PLOD3: variants seen among roughly 807,000 people sequenced by gnomAD.
PLOD3 encodes the protein procollagen-lysine,2-oxoglutarate 5-dioxygenase 3, also known as multifunctional procollagen lysine hydroxylase and glycosyltransferase LH3.
Under a neutral mutation model 96.9 loss-of-function variants are expected in PLOD3, and 73 were observed. The ratio of observed to expected loss-of-function variants is 0.75; its 90% CI spans 0.62 to 0.92. The LOEUF (loss-of-function observed/expected upper bound fraction) is 0.92. PLOD3 is among the 40% of genes least tolerant of loss of function. The probability of loss-of-function intolerance (pLI) is 0.00; values close to 1 mark genes in which losing one functional copy is unlikely to be tolerated. For synonymous variants in PLOD3, 454 were observed against 413.7 expected (o/e 1.10, Z -1.18); for missense variants, 1,004 against 1,004.3 (o/e 1.00, Z 0.00).
chr7:101,212,700 C>G (rs766903146), intron 8 of PLOD3, 45 bp from the exon 9 acceptor site: 2 of 1,610,638 alleles, frequency 1.2e-6, no homozygotes, highest in Middle Eastern at 2.1e-4. Context: ...GCCCGGACTT[C>G]CCTGCTGCCC....
intron 6 of PLOD3, among the ~76,000 whole-genome samples, chr7:101,214,612 C>T (rs1477265643): frequency 6.6e-6 from 1 of 151,824 alleles, no homozygotes; most frequent in Non-Finnish European, 1.5e-5. Context: ...TTGAGGCAGG[C>T]GGATCACCTG....
At chr7:101,216,076 C>G (rs371280467) in intron 4 of PLOD3, 56 bp from the exon 5 acceptor site, 2 of 1,604,460 alleles carry the variant, frequency 1.2e-6, no homozygotes, top group South Asian at 1.1e-5. Context: ...GGGCCTGTCC[C>G]CCAGGCTGTC....
chr7:101,209,525 A>C (rs1412333206), intron 15 of PLOD3, among the ~76,000 whole-genome samples: 2 of 146,406 alleles, frequency 1.4e-5, no homozygotes, highest in Non-Finnish European at 3.0e-5. Context: ...CTACAGGTGC[A>C]CGCCATCACA....
intron 10 of PLOD3, 96 bp downstream of exon 10, chr7:101,212,157 T>C (rs1798193280): frequency 2.7e-6 from 4 of 1,504,304 alleles, no homozygotes; most frequent in Non-Finnish European, 3.7e-6. Context: ...AGGGGCTGGA[T>C]GGGTGACAGG....
At chr7:101,207,113 TTA>T (rs1363638511) in intron 17 of PLOD3, among the ~76,000 whole-genome samples, 1 of 151,952 alleles carries the variant, frequency 6.6e-6, no homozygotes, top group Non-Finnish European at 1.5e-5. Flanking sequence ...GTAGCTGGGA[TTA>T]TAGGCACCTG....
intron 9 of PLOD3, 70 bp downstream of exon 9, chr7:101,212,460 G>A: frequency 3.2e-6 from 5 of 1,570,302 alleles, no homozygotes; most frequent in Non-Finnish European, 4.4e-6. Flanking sequence ...AGATGGGGGT[G>A]GGGGCACGAG....
At chr7:101,212,694 G>A (rs376205899) in intron 8 of PLOD3, 39 bp from the exon 9 acceptor site, 56 of 1,611,572 alleles carry the variant, frequency 3.5e-5, no homozygotes, top group African/African-American at 2.4e-4. Flanking sequence ...AGAGAAGCCC[G>A]GACTTCCCTG....
At position 101,206,729 on chromosome 7, in the gene PLOD3, C is replaced by A. The variant is rs80179986; in HGVS notation, c.2061+50G>T. The stretch of plus-strand genomic sequence containing the variant: ...TGCACGCAGGGGCTCTAGGTGGGGA[C>A]CCGAGGGTCCTGAGGTGAAGCGTGG... On this transcript the variant is annotated intron_variant, in intron 18 of 18. Coordinates refer to ENST00000223127, the MANE Select transcript of PLOD3 (RefSeq NM_001084.5). 12,040 of 1,557,588 alleles carry A rather than the reference C, an allele frequency of 7.7e-3. 192 individuals are homozygous for A. In the East Asian group the frequency reaches 0.079, roughly 10 times the overall value.
chr7:101,216,723 G>A lies in PLOD3; in HGVS notation c.173C>T (p.Ser58Phe). 2 of 1,613,952 alleles carry A rather than the reference G, an allele frequency of 1.2e-6. No homozygotes were observed. ...CACAGTGTAGTTGAAGAACTCCGCA[G>A]AGCGCAGGAAACGCAGGTACCCCTC... is the stretch of plus-strand genomic sequence containing the variant. ...ETEGYLRFLR[S>F]AEFFNYTVRT... The change falls in exon 2 of 19, where the codon TCT becomes TTT. Residue 58 changes from serine to phenylalanine, a missense_variant. By Grantham distance (155) the Ser-to-Phe change is radical. Coordinates refer to ENST00000223127, the MANE Select transcript of PLOD3 (RefSeq NM_001084.5).
At position 101,216,554 on chromosome 7, in the gene PLOD3, G is replaced by A. The variant is rs1239361365; in HGVS notation, c.202-8C>T. The A allele has an allele frequency of 6.2e-7, 1 of 1,614,030 alleles. No individual in the cohort carries two copies. The highest frequency in any genetic ancestry group is 8.5e-7 in the Non-Finnish European group (1 of 1,180,010). ...CTCTCCCAGGCCCAGGGTCTGTGGA[G>A]AAGATTGCCCCGTGCCAGGCAAGGG... On this transcript the variant is annotated splice_polypyrimidine_tract_variant and splice_region_variant and intron_variant, in intron 2 of 18. Transcript: ENST00000223127.
At chr7:101,216,616 C>A (rs1798280224) in intron 2 of PLOD3, 70 bp from the exon 3 acceptor site, 2 of 1,610,330 alleles carry the variant, frequency 1.2e-6, no homozygotes, top group African/African-American at 1.3e-5. Flanking sequence ...ACCAGGCTTA[C>A]CGTGGGGACC....
At chr7:101,213,234 C>T in intron 6 of PLOD3, 30 bp from the exon 7 acceptor site, 1 of 1,442,694 alleles carries the variant, frequency 6.9e-7, no homozygotes, top group Non-Finnish European at 9.8e-7. Context: ...GGCTTCAGAC[C>T]CCCTTTCTCT....
chr7:101,207,746 C>A, intron 16 of PLOD3, 22 bp from the exon 17 acceptor site: 1 of 1,611,996 alleles, frequency 6.2e-7, no homozygotes, highest in Non-Finnish European at 8.5e-7. Context: ...GGGCACTGAG[C>A]CACCCGCCCC....
At position 101,213,219 on chromosome 7, in the gene PLOD3, G is replaced by C; in HGVS notation, c.680-15C>G. On this transcript the variant is annotated splice_polypyrimidine_tract_variant and intron_variant, in intron 6 of 18. Coordinates refer to ENST00000223127, the MANE Select transcript of PLOD3 (RefSeq NM_001084.5). The stretch of plus-strand genomic sequence containing the variant: ...AACCACTTCATCTGGGGAAGAAAAA[G>C]GCCAGGCTTCAGACCCCCTTTCTCT... The C allele has an allele frequency of 6.3e-7, 1 of 1,576,542 alleles. No homozygotes were observed. The highest frequency in any genetic ancestry group is 8.7e-7 in the Non-Finnish European group (1 of 1,145,878).
chr7:101,211,391 G>A (rs1023097051), intron 12 of PLOD3, 200 bp downstream of exon 12: 1 of 592,744 alleles, frequency 1.7e-6, no homozygotes, highest in Non-Finnish European at 3.0e-6. Context: ...ACGTTGCTCA[G>A]GCTGATCTTA....
chr7:101,206,532 G>T, intron 18 of PLOD3, 96 bp from the exon 19 acceptor site: 1 of 1,176,482 alleles, frequency 8.5e-7, no homozygotes. Flanking sequence ...CGGGGGGCAC[G>T]GTGCAGCAGA....
At chr7:101,206,935 A>G (rs1299341062) in intron 17 of PLOD3, 31 bp from the exon 18 acceptor site, 8 of 1,552,062 alleles carry the variant, frequency 5.2e-6, no homozygotes, top group Non-Finnish European at 7.0e-6. Flanking sequence ...GGCTGCAGGG[A>G]CAGCTGCGGG....
rs1197561363 is a variant in PLOD3 at position 101,206,904 on chromosome 7, C to T, written c.1936G>A (p.Ala646Thr). ...ESLFPGYHTK[A>T]RAVMNFVVRY... ...ACCACAAAGTTCATCACCGCCCGCG[C>T]CTGGGGGAGAGGAGGGAAGAGGCTG... Residue 646 changes from alanine to threonine, a missense_variant and splice_region_variant, in exon 18 of 19, where the codon GCG (alanine) becomes ACG (threonine). Ala to Thr is a moderately conservative substitution (Grantham distance 58). Around this residue, in one of 5 missense-constraint regions of PLOD3, gnomAD observed 222 missense variants for 220.4 expected, o/e 1.01. Transcript: ENST00000223127. 4.5e-6 allele frequency: 7 copies of T among 1,556,094 alleles called. No homozygotes were observed. In the Admixed American group the frequency reaches 1.4e-4, roughly 30 times the overall value.
rs1201136098 is a variant in PLOD3 at position 101,210,114 on chromosome 7, T to G, written c.1662A>C (p.Glu554Asp). ...TCACCTGCTCCACGATTCCTTCCCC[T>G]TCCAGGGCCCGGCTGTAGTTCTCGT... ...YIHENYSRAL[E>D]GEGIVEQPCP... The change falls in exon 15 of 19, where the codon GAA becomes GAC. Residue 554 changes from glutamate to aspartate, a missense_variant. Glu to Asp is a conservative substitution (Grantham distance 45). Transcript: ENST00000223127. 3 of 1,603,550 alleles carry G rather than the reference T, an allele frequency of 1.9e-6. No homozygotes were observed. The Admixed American group carries it at 5.1e-5, about 27-fold the overall frequency.
Sources: gnomAD v4.1 joint callset for allele counts (sites outside exome capture counted in the v4.1 genomes callset) on GRCh38, gnomAD v4.1.1 for gene constraint, gnomAD v4.1.1 regional missense constraint, MANE v1.5 for transcripts, NCBI Gene and HGNC (gene_info 2026-07-23, HGNC 2026-07-21) for gene names.